Variants in GALNT17 observed in about 807,000 individuals in gnomAD.
The protein encoded by GALNT17 is UDP-GalNAc:polypeptide N-acetylgalactosaminyltransferase-like 3.
A neutral mutation model predicts 63.7 loss-of-function variants in GALNT17; 29 were observed. The ratio of observed to expected loss-of-function variants is 0.46; its 90% confidence interval spans 0.34 to 0.62. The LOEUF (loss-of-function observed/expected upper bound fraction) is 0.62. Among genes scored for constraint, GALNT17 ranks in the 20% least tolerant of loss-of-function variants. GALNT17 has a pLI of 0.01. For missense variants in GALNT17, 603 were observed against 799.6 expected, an observed-to-expected ratio of 0.75 and a Z score of 2.97; for synonymous variants, 305 against 318.3, an observed-to-expected ratio of 0.96 and a Z score of 0.45.
chr7:71,563,291 G>T (rs1789285811), intron 5 of GALNT17, among the ~76,000 whole-genome samples: 1 of 152,196 alleles, frequency 6.6e-6, no homozygotes, highest in Non-Finnish European at 1.5e-5. Flanking sequence ...CCCGCAAGTG[G>T]TATCAACTGC....
At chr7:71,608,897 G>T (rs1372141193) in intron 6 of GALNT17, among the ~76,000 whole-genome samples, 4 of 151,826 alleles carry the variant, frequency 2.6e-5, no homozygotes, top group Non-Finnish European at 4.4e-5. Context: ...TCCCACCTCA[G>T]CCTCCCAAGT....
At chr7:71,421,443 C>A (rs1362508059) in intron 5 of GALNT17, among the ~76,000 whole-genome samples, 2 of 152,122 alleles carry the variant, frequency 1.3e-5, no homozygotes, top group African/African-American at 4.8e-5. Context: ...TTTTCTGGGG[C>A]TATTTTATAC....
chr7:71,696,785 A>G (rs1406071752), intron 9 of GALNT17, among the ~76,000 whole-genome samples: 2 of 152,182 alleles, frequency 1.3e-5, no homozygotes, highest in African/African-American at 4.8e-5. Context: ...TGAGCCCAGG[A>G]GCCAAATAGA....
chr7:71,159,035 G>A (rs1055402992), intron 1 of GALNT17, among the ~76,000 whole-genome samples: 4 of 151,542 alleles, frequency 2.6e-5, no homozygotes, highest in Non-Finnish European at 4.4e-5. Context: ...TTATAATATT[G>A]ATCTCATGCT....
Position 71,314,319 on chromosome 7 carries a change from A to G in GALNT17, c.239-21231A>G, listed in dbSNP as rs183137954. On this transcript the variant is annotated intron_variant, in intron 1 of 10. Transcript: ENST00000333538. ...GCTTCTAATTTATTAGGCAATAGTC[A>G]TTGGATTAGGCAATGTAAGTATGAC... 9.2e-5 allele frequency among the ~76,000 whole-genome samples: 14 copies of G among 152,234 alleles called. No homozygotes were observed. In the East Asian group the frequency reaches 2.5e-3, roughly 27 times the overall value.
At chr7:71,591,429 T>C (rs1339473382) in intron 6 of GALNT17, among the ~76,000 whole-genome samples, 12 of 152,058 alleles carry the variant, frequency 7.9e-5, no homozygotes, top group Admixed American at 7.9e-4. Flanking sequence ...CAGCCCTGGA[T>C]CCAGCAGTTG....
chr7:71,525,151 A>G (rs183624404), intron 5 of GALNT17, among the ~76,000 whole-genome samples: 20 of 152,104 alleles, frequency 1.3e-4, no homozygotes, highest in Admixed American at 4.6e-4. Flanking sequence ...TTTTAGTTCT[A>G]TTACTTTTGT....
At chr7:71,221,383 C>CT (rs33954579) in intron 1 of GALNT17, among the ~76,000 whole-genome samples, 1,590 of 110,780 alleles carry the variant, frequency 0.014, 11 homozygotes, top group African/African-American at 0.016. Flanking sequence ...TACAGCCATG[C>CT]TTTTTTTTTT....
intron 2 of GALNT17, among the ~76,000 whole-genome samples, chr7:71,353,891 G>C (rs1229248130): frequency 6.6e-6 from 1 of 152,208 alleles, no homozygotes; most frequent in African/African-American, 2.4e-5. Flanking sequence ...TGGTGTCACA[G>C]GCTATATAGG....
At chr7:71,483,418 T>A (rs1247612330) in intron 5 of GALNT17, among the ~76,000 whole-genome samples, 1 of 149,246 alleles carries the variant, frequency 6.7e-6, no homozygotes, top group Non-Finnish European at 1.5e-5. Flanking sequence ...TGCAGTGAGC[T>A]GAGATTGTAC....
chr7:71,549,469 G>A (rs1789038769), intron 5 of GALNT17, among the ~76,000 whole-genome samples: 1 of 152,152 alleles, frequency 6.6e-6, no homozygotes, highest in South Asian at 2.1e-4. Context: ...TTAGGAGGCT[G>A]AGGCCGGAGG....
At chr7:71,702,400 C>T (rs1001099647) in intron 9 of GALNT17, among the ~76,000 whole-genome samples, 6 of 152,012 alleles carry the variant, frequency 3.9e-5, no homozygotes, top group Admixed American at 6.6e-5. Context: ...AGCAGGGAGG[C>T]GCATGTGGCT....
At chr7:71,684,117 C>T (rs1791313695) in intron 9 of GALNT17, among the ~76,000 whole-genome samples, 1 of 152,044 alleles carries the variant, frequency 6.6e-6, no homozygotes, top group Non-Finnish European at 1.5e-5. Context: ...ACCCACAGAC[C>T]CCCAGTTCTA....
At chr7:71,703,097 G>A (rs1791674941) in intron 9 of GALNT17, among the ~76,000 whole-genome samples, 1 of 152,204 alleles carries the variant, frequency 6.6e-6, no homozygotes, top group Non-Finnish European at 1.5e-5. Flanking sequence ...AAGCGCTGAG[G>A]ATGGAAAACT....
chr7:71,669,330 A>G (rs1791032094), intron 7 of GALNT17, among the ~76,000 whole-genome samples: 1 of 152,052 alleles, frequency 6.6e-6, no homozygotes, highest in African/African-American at 2.4e-5. Flanking sequence ...AACCTGACCA[A>G]CATGATGAAA....
chr7:71,594,095 C>G (rs1430822071), intron 6 of GALNT17, among the ~76,000 whole-genome samples: 1 of 151,882 alleles, frequency 6.6e-6, no homozygotes, highest in Non-Finnish European at 1.5e-5. Flanking sequence ...GAAAATCAGC[C>G]ATCTCTTTGG....
chr7:71,305,010 C>T lies in GALNT17; in HGVS notation c.239-30540C>T, dbSNP rs551578576. Among the ~76,000 whole-genome samples, 37 of 152,282 alleles carry T rather than the reference C, an allele frequency of 2.4e-4. No individual in the cohort carries two copies. The South Asian group carries it at 3.3e-3, about 14-fold the overall frequency. On this transcript the variant is annotated intron_variant, in intron 1 of 10. Coordinates refer to ENST00000333538, the MANE Select transcript of GALNT17 (RefSeq NM_022479.3). Reference sequence around the variant, plus strand: ...CCTCCCAAAGTGCTGGGATTACAGGCGTGAGCCACACAAGTCCAATATTTT... The same window carrying T: ...CCTCCCAAAGTGCTGGGATTACAGGTGTGAGCCACACAAGTCCAATATTTT...
rs1792993029 is a variant in GALNT17 at position 71,388,561 on chromosome 7, G to C, written c.589+160G>C. Among the ~76,000 whole-genome samples, 4 of 152,030 alleles carry C rather than the reference G, an allele frequency of 2.6e-5. No homozygotes were observed. In the South Asian group the frequency reaches 8.4e-4, roughly 32 times the overall value. On this transcript the variant is annotated intron_variant, in intron 3 of 10. Transcript: ENST00000333538. ...TCTTTTTTTGAGATGGAGTCTTGCT[G>C]TGTCGCCCAGGCTGGAGTGCAGTGG...
intron 5 of GALNT17, among the ~76,000 whole-genome samples, chr7:71,544,043 T>C (rs930176039): frequency 4.6e-5 from 7 of 151,844 alleles, no homozygotes; most frequent in African/African-American, 1.7e-4. Context: ...TCCACCCGCC[T>C]CAGCCCCCCA....
Sources: gnomAD v4.1 joint callset for allele counts (sites outside exome capture counted in the v4.1 genomes callset) on GRCh38, gnomAD v4.1.1 for gene constraint, MANE v1.5 for transcripts, NCBI Gene and HGNC (gene_info 2026-07-23, HGNC 2026-07-21) for gene names.